DHX35: variants seen among roughly 807,000 people sequenced by gnomAD.
The protein encoded by DHX35 is probable ATP-dependent RNA helicase DHX35.
Under a neutral mutation model 99.6 loss-of-function variants are expected in DHX35, and 84 were observed. The observed-to-expected ratio is 0.84, with a 90% CI of 0.71 to 1.01. The LOEUF (loss-of-function observed/expected upper bound fraction) is 1.01. Ranked by LOEUF, DHX35 falls within the 50% of genes least tolerant of loss-of-function variation. The probability of loss-of-function intolerance (pLI) is 0.00; values close to 1 mark genes in which losing one functional copy is unlikely to be tolerated. For synonymous variants in DHX35, 331 were observed against 316.2 expected, an observed-to-expected ratio of 1.05 and a Z score of -0.50; for missense variants, 852 against 888.5, an observed-to-expected ratio of 0.96 and a Z score of 0.52.
chr20:39,028,343 A>G, intron 18 of DHX35, 75 bp from the exon 19 acceptor site: 1 of 1,431,648 alleles, frequency 7.0e-7, no homozygotes, highest in Non-Finnish European at 9.8e-7. Context: ...CTGGGAGTGG[A>G]TCCTGTGCAT....
rs751164259 is a variant in DHX35 at position 39,021,910 on chromosome 20, TC to T, written c.1574del (p.Pro525GlnfsTer46). ...AMMQIQNIFV[V>X]PPNQKSHAIR... ...ATGCAGATCCAGAATATCTTTGTGGTCCCCCCAAACCAGAAGTCTCACGCAG... is the reference window on the plus strand; with the variant it reads ...ATGCAGATCCAGAATATCTTTGTGGTCCCCCAAACCAGAAGTCTCACGCAG... On this transcript the variant is annotated frameshift_variant, in exon 16 of 22. Transcript: ENST00000252011. LOFTEE classifies it high-confidence loss of function. 1 of 1,614,094 alleles carries T rather than the reference TC, an allele frequency of 6.2e-7. No individual in the cohort carries two copies. The highest frequency in any genetic ancestry group is 1.1e-5 in the South Asian group (1 of 91,078).
chr20:38,970,649 G>A (rs151326751), intron 2 of DHX35, among the ~76,000 whole-genome samples: 9 of 152,280 alleles, frequency 5.9e-5, no homozygotes, highest in Non-Finnish European at 1.0e-4. Context: ...GACTACAGGA[G>A]CACCTACCTC....
intron 8 of DHX35, among the ~76,000 whole-genome samples, chr20:38,999,083 C>T (rs1463272815): frequency 6.6e-6 from 1 of 152,158 alleles, no homozygotes; most frequent in Non-Finnish European, 1.5e-5. Flanking sequence ...TGAGCCACCG[C>T]ATCCGGCCGA....
At chr20:38,994,631 A>AACCCCC (rs1568731897) in intron 7 of DHX35, among the ~76,000 whole-genome samples, 190 bp from the exon 8 acceptor site, 2 of 74,394 alleles carry the variant, frequency 2.7e-5, no homozygotes, top group Non-Finnish European at 5.6e-5. Flanking sequence ...TAGTGTAATG[A>AACCCCC]CCCCCCCCCC....
intron 1 of DHX35, among the ~76,000 whole-genome samples, chr20:38,968,251 C>T (rs1276014860): frequency 6.6e-6 from 1 of 152,104 alleles, no homozygotes; most frequent in Non-Finnish European, 1.5e-5. Flanking sequence ...CTTTCCAGCT[C>T]CTGTACAGTA....
chr20:39,003,188 A>G (rs1411002456), intron 10 of DHX35, among the ~76,000 whole-genome samples: 3 of 152,126 alleles, frequency 2.0e-5, no homozygotes, highest in South Asian at 2.1e-4. Context: ...TCCTGCACAC[A>G]TGTTGCTGCT....
intron 8 of DHX35, among the ~76,000 whole-genome samples, chr20:38,998,103 C>G (rs1015473775): frequency 6.6e-6 from 1 of 152,248 alleles, no homozygotes; most frequent in Non-Finnish European, 1.5e-5. Flanking sequence ...GTTGCTTTAT[C>G]TGCTTTCTTA....
intron 1 of DHX35, 151 bp from the exon 2 acceptor site, chr20:38,968,930 T>A: frequency 1.1e-6 from 1 of 940,044 alleles, no homozygotes; most frequent in Non-Finnish European, 1.5e-6. Context: ...TTCTGGATTC[T>A]TTCCTAAAGT....
At position 38,994,899 on chromosome 20, in the gene DHX35, C is replaced by T. The variant is rs1555822076; in HGVS notation, c.642+19C>T. The T allele has an allele frequency of 1.9e-6, 3 of 1,610,636 alleles. No individual in the cohort carries two copies. The South Asian group carries it at 3.3e-5, about 18-fold the overall frequency. On this transcript the variant is annotated intron_variant, in intron 8 of 21. Transcript: ENST00000252011. ...TGCAGACGTAAGAGCCTTGCCTCCC[C>T]TTTCCTCCTCTCCTCACAAACACTT...
At chr20:38,997,243 G>A (rs760939798) in intron 8 of DHX35, among the ~76,000 whole-genome samples, 10 of 151,854 alleles carry the variant, frequency 6.6e-5, no homozygotes, top group Non-Finnish European at 1.0e-4. Context: ...GTTAATTTTT[G>A]TATTTTTAGT....
Position 38,972,560 on chromosome 20 carries a change from T to G in DHX35, c.176T>G (p.Leu59Arg). ...GCAAGGTGTGTTATTCTTTTTCAGC[T>G]TAGGAATCATATTTTATACTTGATA... ...QQRQKLPVFK[L>R]RNHILYLIEN... is the part of the protein sequence containing the mutation. Residue 59 changes from leucine to arginine, a missense_variant and splice_region_variant, in exon 3 of 22, where the codon CTT becomes CGT. Transcript: ENST00000252011. 1 of 1,600,170 alleles carries G rather than the reference T, an allele frequency of 6.2e-7. No individual in the cohort carries two copies. Among genetic ancestry groups the G allele is most frequent in the Non-Finnish European group, 8.6e-7 (1 of 1,167,902 alleles).
At chr20:38,964,481 A>G (rs1163001752) in intron 1 of DHX35, among the ~76,000 whole-genome samples, 2 of 151,076 alleles carry the variant, frequency 1.3e-5, no homozygotes, top group African/African-American at 4.9e-5. Context: ...CCCAGGCTGG[A>G]GTGCAGTGGC....
At chr20:39,020,164 G>T (rs2145928528) in intron 15 of DHX35, among the ~76,000 whole-genome samples, 1 of 152,316 alleles carries the variant, frequency 6.6e-6, no homozygotes. Context: ...TGGACACTTG[G>T]ATTGCTTCCA....
At chr20:38,997,979 C>T (rs1053610878) in intron 8 of DHX35, among the ~76,000 whole-genome samples, 2 of 152,144 alleles carry the variant, frequency 1.3e-5, no homozygotes, top group East Asian at 1.9e-4. Flanking sequence ...GGCCACCTGC[C>T]GTGGTTTCTC....
chr20:39,010,310 C>G lies in DHX35; in HGVS notation c.1253C>G (p.Thr418Arg). The G allele has an allele frequency of 6.2e-7, 1 of 1,614,118 alleles. No individual in the cohort carries two copies. The highest frequency in any genetic ancestry group is 2.2e-5 in the East Asian group (1 of 44,870). The change falls in exon 13 of 22, where the codon ACG becomes AGG. Residue 418 changes from threonine (T) to arginine (R), a missense_variant. By Grantham distance (71) the Thr-to-Arg change is moderately conservative. Coordinates refer to ENST00000252011, the MANE Select transcript of DHX35 (RefSeq NM_021931.4). ...GCCTTTGACAAGTTGCCTCAGTCTACGGTTCCTGAGATGCAGCGTAGTAAT... is the reference window on the plus strand; with the variant it reads ...GCCTTTGACAAGTTGCCTCAGTCTAGGGTTCCTGAGATGCAGCGTAGTAAT... ...EEAFDKLPQS[T>R]VPEMQRSNLA... is the part of the protein sequence containing the mutation.
At chr20:39,015,377 AC>A (rs1333929310) in intron 14 of DHX35, among the ~76,000 whole-genome samples, 5 of 152,156 alleles carry the variant, frequency 3.3e-5, no homozygotes, top group South Asian at 2.1e-4. Context: ...AGCTTCTAAC[AC>A]CATGTTACGG....
In DHX35 at chr20:39,034,293, T is replaced by G; in HGVS notation, c.2043T>G (p.Ala681=). 1 of 1,614,182 alleles carries G rather than the reference T, an allele frequency of 6.2e-7. No individual in the cohort carries two copies. Among genetic ancestry groups the G allele is most frequent in the Non-Finnish European group, 8.5e-7 (1 of 1,180,012 alleles). Residue 681 remains alanine, a synonymous_variant, in exon 21 of 22, where the codon GCT becomes GCG. Transcript: ENST00000252011. ...AIESAWLLEL[A]PHFYQQGTHL... is the part of the protein sequence containing the mutation. ...AATCGGCCTGGCTGTTGGAGCTGGC[T>G]CCACACTTTTATCAACAAGGAACGG...
At position 39,018,833 on chromosome 20, in the gene DHX35, C is replaced by T; in HGVS notation, c.1432C>T (p.Pro478Ser). 1 of 1,613,958 alleles carries T rather than the reference C, an allele frequency of 6.2e-7. No individual in the cohort carries two copies. Among genetic ancestry groups the T allele is most frequent in the South Asian group, 1.1e-5 (1 of 91,074 alleles). Residue 478 changes from proline to serine, a missense_variant, in exon 15 of 22, where the codon CCG (proline) becomes TCG (serine). Pro to Ser is a moderately conservative substitution (Grantham distance 74, BLOSUM62 -1). Transcript: ENST00000252011. The part of the protein sequence containing the change: ...GLDKDCRLTE[P>S]LGMRIAEFPL... The stretch of plus-strand genomic sequence containing the variant: ...GGACAAAGACTGTCGCCTAACTGAA[C>T]CGCTTGGCATGAGAATTGCAGAGTT...
At chr20:39,028,169 G>A (rs1450254548) in intron 18 of DHX35, among the ~76,000 whole-genome samples, 2 of 152,156 alleles carry the variant, frequency 1.3e-5, no homozygotes, top group Non-Finnish European at 2.9e-5. Flanking sequence ...GAGGTTGGAG[G>A]GGTCCCAGGT....
Sources: gnomAD v4.1 joint callset for allele counts (sites outside exome capture counted in the v4.1 genomes callset) on GRCh38, gnomAD v4.1.1 for gene constraint, MANE v1.5 for transcripts, NCBI Gene and HGNC (gene_info 2026-07-23, HGNC 2026-07-21) for gene names.